The following DACH2 variants were observed in gnomAD, a reference collection of about 807,000 sequenced individuals.
DACH2 encodes the protein dachshund family transcription factor 2, also known as dachshund homolog 2.
Under a neutral mutation model 35.8 loss-of-function variants are expected in DACH2, and 17 were observed. The ratio of observed to expected loss-of-function variants is 0.48; its 90% CI spans 0.33 to 0.71. DACH2 has a LOEUF of 0.71. Ranked by LOEUF, DACH2 falls within the 30% of genes least tolerant of loss-of-function variation. DACH2 has a pLI of 0.02. For synonymous variants in DACH2, 195 were observed against 177.3 expected (o/e 1.10, Z -0.79); for missense variants, 469 against 472.7 (o/e 0.99, Z 0.07).
chrX:86,620,724 G>A (rs1224622533), intron 3 of DACH2, among the ~76,000 whole-genome samples: 1 of 109,961 alleles, frequency 9.1e-6, no homozygotes, highest in Non-Finnish European at 1.9e-5. Context: ...GCTGAGAGCT[G>A]GGGACTGAGT....
chrX:86,403,267 G>A lies in DACH2; in HGVS notation c.527+26405G>A, dbSNP rs369509784. ...CAGGCAAACTACAGAATGGGAGAAA[G>A]TATTCACAAACTATGCATCTGTCAA... On this transcript the variant is annotated intron_variant, in intron 2 of 11. Coordinates refer to ENST00000373125, the MANE Select transcript of DACH2 (RefSeq NM_053281.3). Among the ~76,000 whole-genome samples, 161 of 111,671 alleles carry A rather than the reference G, an allele frequency of 1.4e-3. 2 individuals carry two copies. Among genetic ancestry groups the A allele is most frequent in the African/African-American group, 4.9e-3 (151 of 30,797 alleles).
chrX:86,272,367 T>C (rs1364804831), intron 1 of DACH2, among the ~76,000 whole-genome samples: 1 of 110,962 alleles, frequency 9.0e-6, no homozygotes, highest in Non-Finnish European at 1.9e-5. Context: ...GATGACAAAA[T>C]TTAACTTGGA....
intron 11 of DACH2, among the ~76,000 whole-genome samples, chrX:86,819,089 G>T (rs959726897): frequency 4.7e-5 from 5 of 106,988 alleles, no homozygotes; most frequent in Admixed American, 3.0e-4. Context: ...CTTCAGCTTG[G>T]TTATTTCATG....
chrX:86,716,514 T>C (rs985282101), intron 6 of DACH2, among the ~76,000 whole-genome samples: 17 of 111,440 alleles, frequency 1.5e-4, no homozygotes, highest in African/African-American at 5.2e-4. Context: ...TGAGCAACAT[T>C]GTGAGACTCC....
At chrX:86,634,605 G>T (rs755471470) in intron 3 of DACH2, among the ~76,000 whole-genome samples, 1 of 111,316 alleles carries the variant, frequency 9.0e-6, no homozygotes, top group Admixed American at 9.6e-5. Context: ...TATATTTTCA[G>T]GACACAAAAT....
At position 86,288,645 on chromosome X, in the gene DACH2, G is replaced by A. The variant is rs773642387; in HGVS notation, c.489-88179G>A. 1.2e-4 allele frequency among the ~76,000 whole-genome samples: 13 copies of A among 111,789 alleles called. 1 individual carries two copies. The South Asian group carries it at 4.5e-3, about 39-fold the overall frequency. On this transcript the variant is annotated intron_variant, in intron 1 of 11. Transcript: ENST00000373125. Reference sequence around the variant, plus strand: ...TTCCCTCCCTTTCTTAAATGCAGAGGAGCCTCACCCAGTGGCTACCACTAC... The same window carrying A: ...TTCCCTCCCTTTCTTAAATGCAGAGAAGCCTCACCCAGTGGCTACCACTAC...
chrX:86,809,090 A>G (rs947136018), intron 7 of DACH2, among the ~76,000 whole-genome samples: 15 of 112,023 alleles, frequency 1.3e-4, no homozygotes, highest in Non-Finnish European at 2.1e-4. Context: ...AACAGGCTTA[A>G]TAAAAGTGGT....
At chrX:86,678,725 AT>A (rs2040847571) in intron 4 of DACH2, among the ~76,000 whole-genome samples, 1 of 111,886 alleles carries the variant, frequency 8.9e-6, no homozygotes, top group Admixed American at 9.5e-5. Context: ...ATAAAAAAAA[AT>A]AGGCTGCTTT....
intron 7 of DACH2, among the ~76,000 whole-genome samples, chrX:86,786,178 T>C (rs2042135910): frequency 9.0e-6 from 1 of 111,591 alleles, no homozygotes; most frequent in African/African-American, 3.3e-5. Flanking sequence ...GTCAGATAGA[T>C]AACCATTTTG....
rs934476591 is a variant in DACH2, at chrX:86,739,397, C to T, written c.1105-350C>T. The stretch of plus-strand genomic sequence containing the variant: ...TAGGAGTATCACACTCCAGGCCTTG[C>T]CATGAACTTCACATCAATCTGGAAA... On this transcript the variant is annotated intron_variant, in intron 6 of 11. Transcript: ENST00000373125. Among the ~76,000 whole-genome samples the T allele has an allele frequency of 1.1e-4, 12 of 111,241 alleles. No individual in the cohort carries two copies. In the East Asian group the frequency reaches 3.4e-3, roughly 32 times the overall value.
intron 3 of DACH2, among the ~76,000 whole-genome samples, chrX:86,587,967 T>A (rs945319223): frequency 9.0e-6 from 1 of 111,633 alleles, no homozygotes; most frequent in Non-Finnish European, 1.9e-5. Flanking sequence ...GAATGGTATT[T>A]CCTAGGTTTT....
rs146070228 is a variant in DACH2 at position 86,747,541 on chromosome X, T to C, written c.1240+7659T>C. Among the ~76,000 whole-genome samples the C allele has an allele frequency of 5.7e-3, 636 of 112,208 alleles. 1 individual carries two copies. The highest frequency in any genetic ancestry group is 0.02 in the African/African-American group (613 of 30,950). On this transcript the variant is annotated intron_variant, in intron 7 of 11. Transcript: ENST00000373125. ...TCTCAGTGCATGTAAGAGTTATATTTACACAATACTGTAGTCTATTAAGTG... is the reference window on the plus strand; with the variant it reads ...TCTCAGTGCATGTAAGAGTTATATTCACACAATACTGTAGTCTATTAAGTG...
chrX:86,407,998 A>G (rs947771054), intron 2 of DACH2, among the ~76,000 whole-genome samples: 1 of 111,033 alleles, frequency 9.0e-6, no homozygotes, highest in African/African-American at 3.3e-5. Flanking sequence ...TAAATGGCAG[A>G]TTTGGGACTT....
chrX:86,527,610 T>G (rs1231264932), intron 3 of DACH2, among the ~76,000 whole-genome samples: 1 of 112,482 alleles, frequency 8.9e-6, no homozygotes, highest in Non-Finnish European at 1.9e-5. Context: ...TTTCAGACAT[T>G]GGAGTTCTTT....
intron 3 of DACH2, among the ~76,000 whole-genome samples, chrX:86,625,803 C>A (rs148313473): frequency 9.0e-6 from 1 of 111,016 alleles, no homozygotes; most frequent in Non-Finnish European, 1.9e-5. Context: ...TTCACTATCA[C>A]GAGAACAGCA....
At chrX:86,399,269 G>A (rs184928860) in intron 2 of DACH2, among the ~76,000 whole-genome samples, 204 of 111,392 alleles carry the variant, frequency 1.8e-3, no homozygotes, top group African/African-American at 6.4e-3. Flanking sequence ...TTGAGCCTAT[G>A]TATGTCTCTG....
At chrX:86,163,818 T>C (rs1422794808) in intron 1 of DACH2, among the ~76,000 whole-genome samples, 1 of 111,550 alleles carries the variant, frequency 9.0e-6, no homozygotes, top group Non-Finnish European at 1.9e-5. Flanking sequence ...TTTTAATCCA[T>C]TTCTGTCATC....
At chrX:86,584,849 C>A (rs1363020087) in intron 3 of DACH2, among the ~76,000 whole-genome samples, 1 of 111,099 alleles carries the variant, frequency 9.0e-6, no homozygotes, top group Non-Finnish European at 1.9e-5. Flanking sequence ...TTGTTCCCAT[C>A]CTTATGTCCA....
chrX:86,536,612 A>C (rs1399006440), intron 3 of DACH2, among the ~76,000 whole-genome samples: 3 of 111,160 alleles, frequency 2.7e-5, no homozygotes, highest in Non-Finnish European at 1.9e-5. Flanking sequence ...GGTGGTGCTC[A>C]ACTCTTTCAA....
Sources: allele counts gnomAD v4.1 joint callset (sites outside exome capture counted in the v4.1 genomes callset), GRCh38; gene constraint gnomAD v4.1.1; transcripts MANE v1.5; gene names NCBI Gene and HGNC (gene_info 2026-07-23, HGNC 2026-07-21).